PAX5: variants seen among roughly 807,000 people sequenced by gnomAD.
The protein encoded by PAX5 is paired box 5.
PAX5 carries 9 observed loss-of-function variants against 43.7 expected under a neutral mutation model. That is an observed-to-expected ratio of 0.21 (90% CI 0.12 to 0.36). PAX5 has a LOEUF of 0.36. Ranked by LOEUF, PAX5 falls within the 10% of genes least tolerant of loss-of-function variation. The pLI is 1.00. For synonymous variants in PAX5, 228 were observed against 214.3 expected (o/e 1.06, Z -0.56); for missense variants, 383 against 532.7 (o/e 0.72, Z 2.77).
chr9:37,030,721 A>C (rs553997078), intron 1 of PAX5, among the ~76,000 whole-genome samples: 1 of 152,234 alleles, frequency 6.6e-6, no homozygotes, highest in Non-Finnish European at 1.5e-5. Context: ...ACCTCGTTTC[A>C]CTGGGGACAC....
chr9:36,969,797 C>T (rs931869291), intron 5 of PAX5, among the ~76,000 whole-genome samples: 4 of 152,218 alleles, frequency 2.6e-5, no homozygotes, highest in Admixed American at 6.5e-5. Flanking sequence ...CAGAGCCTGC[C>T]TCTCCGGGCA....
chr9:36,904,994 G>C (rs923907150), intron 7 of PAX5, among the ~76,000 whole-genome samples: 2 of 152,216 alleles, frequency 1.3e-5, no homozygotes, highest in African/African-American at 4.8e-5. Context: ...TGGGCTAACA[G>C]GCATAATGGT....
chr9:36,959,770 G>A (rs780558427), intron 6 of PAX5, among the ~76,000 whole-genome samples: 3 of 152,244 alleles, frequency 2.0e-5, no homozygotes, highest in Non-Finnish European at 4.4e-5. Flanking sequence ...TCAGTGGGCA[G>A]CCTGTGCTGC....
At chr9:37,031,182 T>C (rs1330413917) in intron 1 of PAX5, among the ~76,000 whole-genome samples, 1 of 152,174 alleles carries the variant, frequency 6.6e-6, no homozygotes, top group Non-Finnish European at 1.5e-5. Flanking sequence ...AAGAATCATG[T>C]AAAATCACCT....
intron 5 of PAX5, among the ~76,000 whole-genome samples, chr9:36,985,804 G>C (rs1055056255): frequency 1.8e-4 from 28 of 152,204 alleles, no homozygotes; most frequent in Non-Finnish European, 2.6e-4. Context: ...AAAAAGTGAT[G>C]CCTTTGTGTT....
chr9:36,844,758 T>C (rs1822401728), intron 9 of PAX5, among the ~76,000 whole-genome samples: 1 of 152,116 alleles, frequency 6.6e-6, no homozygotes, highest in African/African-American at 2.4e-5. Context: ...TTGGATGTAG[T>C]CTAGTCCTGC....
intron 6 of PAX5, among the ~76,000 whole-genome samples, chr9:36,947,661 A>G (rs1291830894): frequency 6.6e-6 from 1 of 152,142 alleles, no homozygotes; most frequent in Non-Finnish European, 1.5e-5. Flanking sequence ...ACTGTATTAC[A>G]TATTATATGA....
chr9:36,924,853 G>GA (rs1491126806), intron 6 of PAX5, among the ~76,000 whole-genome samples: 83 of 150,430 alleles, frequency 5.5e-4, no homozygotes, highest in East Asian at 9.9e-4. Flanking sequence ...GAGGGAGGGA[G>GA]GAGGGAATTT....
chr9:36,859,613 C>T (rs1824002608), intron 8 of PAX5, among the ~76,000 whole-genome samples: 1 of 152,198 alleles, frequency 6.6e-6, no homozygotes, highest in Admixed American at 6.5e-5. Flanking sequence ...CACCCTTCCT[C>T]ACTGTGTCCG....
chr9:36,955,776 A>ATAT (rs1011804806), intron 6 of PAX5, among the ~76,000 whole-genome samples: 103 of 73,810 alleles, frequency 1.4e-3, no homozygotes, highest in Middle Eastern at 6.2e-3. Context: ...GTTTCAAAAA[A>ATAT]AAAAAAATAT....
At chr9:36,868,731 C>T (rs916146684) in intron 8 of PAX5, among the ~76,000 whole-genome samples, 2 of 152,048 alleles carry the variant, frequency 1.3e-5, no homozygotes, top group African/African-American at 4.8e-5. Flanking sequence ...CCATGGACAC[C>T]GGAGGCTCAG....
intron 7 of PAX5, among the ~76,000 whole-genome samples, chr9:36,917,876 CATT>C (rs1172860393): frequency 6.6e-6 from 1 of 152,190 alleles, no homozygotes; most frequent in African/African-American, 2.4e-5. Flanking sequence ...CACAGTTTCT[CATT>C]ATTATTATAT....
chr9:36,987,544 T>A (rs1836533255), intron 5 of PAX5, among the ~76,000 whole-genome samples: 2 of 152,236 alleles, frequency 1.3e-5, no homozygotes, highest in Non-Finnish European at 2.9e-5. Flanking sequence ...CAGCATGGGT[T>A]GCCCAAGATC....
chr9:36,876,365 C>T (rs1184624302), intron 8 of PAX5, among the ~76,000 whole-genome samples: 1 of 152,244 alleles, frequency 6.6e-6, no homozygotes, highest in African/African-American at 2.4e-5. Flanking sequence ...CCCACAGGGA[C>T]CCCACCTAGT....
chr9:37,012,440 C>T (rs1839017780), intron 3 of PAX5, among the ~76,000 whole-genome samples: 1 of 152,164 alleles, frequency 6.6e-6, no homozygotes, highest in African/African-American at 2.4e-5. Flanking sequence ...TAGGAGACCA[C>T]AGACATGAAA....
intron 1 of PAX5, among the ~76,000 whole-genome samples, chr9:37,027,184 A>G (rs533200420): frequency 6.6e-6 from 1 of 152,134 alleles, no homozygotes; most frequent in African/African-American, 2.4e-5. Context: ...CGAAGTTGCA[A>G]AGAACTTCCT....
At chr9:36,892,637 A>C (rs1305043312) in intron 7 of PAX5, among the ~76,000 whole-genome samples, 1 of 152,224 alleles carries the variant, frequency 6.6e-6, no homozygotes, top group Non-Finnish European at 1.5e-5. Flanking sequence ...CTCCCCTGTG[A>C]CCAGTCAGCT....
At chr9:36,852,677 T>C (rs532274714) in intron 8 of PAX5, among the ~76,000 whole-genome samples, 4 of 152,352 alleles carry the variant, frequency 2.6e-5, no homozygotes, top group African/African-American at 9.6e-5. Flanking sequence ...CCCGGCATTC[T>C]GCCTAACCCC....
At chr9:36,911,532 G>T (rs1293344439) in intron 7 of PAX5, among the ~76,000 whole-genome samples, 1 of 152,252 alleles carries the variant, frequency 6.6e-6, no homozygotes, top group Admixed American at 6.5e-5. Flanking sequence ...CCGACACTCA[G>T]TTGCAGGGTA....
Sources: allele counts gnomAD v4.1 joint callset (sites outside exome capture counted in the v4.1 genomes callset), GRCh38; gene constraint gnomAD v4.1.1; transcripts MANE v1.5; gene names NCBI Gene and HGNC (gene_info 2026-07-23, HGNC 2026-07-21).